Variants in TCHP observed in about 807,000 individuals in gnomAD.
The protein encoded by TCHP is trichoplein keratin filament binding.
In TCHP, 81 loss-of-function variants were observed where a neutral mutation model predicts 88.7. That is an observed-to-expected ratio of 0.91 (90% CI 0.76 to 1.10). The LOEUF (loss-of-function observed/expected upper bound fraction) is 1.10, where lower values mean the gene tolerates loss of function less well. TCHP is among the 50% of genes least tolerant of loss of function. The pLI, the probability that TCHP is intolerant of heterozygous loss-of-function variation, is 0.00. For synonymous variants in TCHP, 232 were observed against 232.5 expected (o/e 1.00, Z 0.02); for missense variants, 641 against 632.1 (o/e 1.01, Z -0.15).
At chr12:109,887,422 A>C in the TCHP span, among the ~76,000 whole-genome samples, 822 of 151,222 alleles carry the variant, frequency 5.4e-3, 4 homozygotes, top group Non-Finnish European at 8.8e-3. Flanking sequence ...AAAAAAAAAA[A>C]CAAAAAAAAA....
chr12:109,915,606 C>T, intron 12 of TCHP, 60 bp downstream of exon 12: 1 of 1,532,692 alleles, frequency 6.5e-7, no homozygotes, highest in South Asian at 1.3e-5. Context: ...CCGGCCCCTG[C>T]TCCCCTGGGC....
the TCHP span, among the ~76,000 whole-genome samples, chr12:109,883,063 G>T: frequency 6.8e-6 from 1 of 148,038 alleles, no homozygotes; most frequent in African/African-American, 2.5e-5. Flanking sequence ...TTGAGAGACA[G>T]GATCTCACTC....
chr12:109,891,805 G>T, the TCHP span, among the ~76,000 whole-genome samples: 1 of 151,754 alleles, frequency 6.6e-6, no homozygotes, highest in East Asian at 1.9e-4. Context: ...TGCCTCTCAG[G>T]TTCAAATGAT....
chr12:109,904,161 G>A lies in TCHP; in HGVS notation c.399+14G>A. 1 of 1,557,070 alleles carries A rather than the reference G, an allele frequency of 6.4e-7. No homozygotes were observed. The highest frequency in any genetic ancestry group is 2.4e-5 in the East Asian group (1 of 41,320). On this transcript the variant is annotated intron_variant, in intron 3 of 12. Coordinates refer to ENST00000405876, the MANE Select transcript of TCHP (RefSeq NM_001143852.2). ...CAGAGGAAACTGGTAACTCCCCAGA[G>A]GGCTTCAGGAGGCTGTGGAGCAGGA...
Position 109,907,525 on chromosome 12 carries a change from G to C in TCHP, c.526-1G>C, listed in dbSNP as rs1221322517. ...ACCTGTGTTCATTTGGTCCCTTGTA[G>C]CAAGAAGCCACCGCAGAGCAAGAGA... On this transcript the variant is annotated splice_acceptor_variant, in intron 5 of 12. Transcript: ENST00000405876. LOFTEE classifies it high-confidence loss of function. 6.2e-7 allele frequency: 1 copy of C among 1,613,942 alleles called. No individual in the cohort carries two copies. The highest frequency in any genetic ancestry group is 1.3e-5 in the African/African-American group (1 of 74,900).
At chr12:109,889,974 A>C in the TCHP span, among the ~76,000 whole-genome samples, 1 of 152,236 alleles carries the variant, frequency 6.6e-6, no homozygotes, top group African/African-American at 2.4e-5. Context: ...GCACCCGCCA[A>C]CAGGCCCACT....
At chr12:109,890,385 T>A in the TCHP span, among the ~76,000 whole-genome samples, 1 of 151,876 alleles carries the variant, frequency 6.6e-6, no homozygotes, top group Non-Finnish European at 1.5e-5. Flanking sequence ...GCTGGAGGAT[T>A]GCTTAAGCCC....
chr12:109,906,253 G>A (rs1870117177), intron 4 of TCHP, among the ~76,000 whole-genome samples: 1 of 152,198 alleles, frequency 6.6e-6, no homozygotes, highest in East Asian at 1.9e-4. Context: ...TCAACCCAAG[G>A]TGGCCTTTGA....
intron 8 of TCHP, among the ~76,000 whole-genome samples, chr12:109,910,654 C>T (rs1870431579): frequency 6.6e-6 from 1 of 152,184 alleles, no homozygotes; most frequent in Non-Finnish European, 1.5e-5. Flanking sequence ...TAATTCCCCA[C>T]CAAGGAGCAT....
the TCHP span, among the ~76,000 whole-genome samples, chr12:109,882,364 G>A: frequency 6.6e-6 from 1 of 151,402 alleles, no homozygotes; most frequent in Admixed American, 6.6e-5. Flanking sequence ...AACCAGGGAG[G>A]TGGAGGTTGC....
chr12:109,914,294 T>C (rs939865573), intron 10 of TCHP, 148 bp from the exon 11 acceptor site: 4 of 650,058 alleles, frequency 6.2e-6, no homozygotes, highest in South Asian at 4.1e-5. Context: ...GAGCAAATCC[T>C]GTCATCTGGC....
the TCHP span, among the ~76,000 whole-genome samples, chr12:109,883,073 C>T: frequency 6.8e-6 from 1 of 146,900 alleles, no homozygotes; most frequent in African/African-American, 2.5e-5. Context: ...GGATCTCACT[C>T]TGTAGCCAAG....
At chr12:109,887,313 T>C in the TCHP span, among the ~76,000 whole-genome samples, 1 of 150,068 alleles carries the variant, frequency 6.7e-6, no homozygotes, top group South Asian at 2.1e-4. Flanking sequence ...TCCCAGCTAC[T>C]CGGGAGGCTG....
chr12:109,885,696 T>C, the TCHP span, among the ~76,000 whole-genome samples: 1 of 152,010 alleles, frequency 6.6e-6, no homozygotes, highest in African/African-American at 2.4e-5. Flanking sequence ...TTAGCCAGGA[T>C]GGTCTTGATC....
chr12:109,917,946 G>C lies in TCHP; in HGVS notation c.*1323G>C, dbSNP rs1408717878. The C allele has an allele frequency of 6.6e-6, 1 of 152,176 alleles. No individual in the cohort carries two copies. The highest frequency in any genetic ancestry group is 1.5e-5 in the Non-Finnish European group (1 of 68,030). 9.4% of individuals were successfully genotyped at this position (152,176 alleles called of 1,614,324 possible). A position where few individuals can be genotyped will look rare whatever the true frequency, so the allele number is the denominator to read the frequency against. On this transcript the variant is annotated 3_prime_UTR_variant, in exon 13 of 13. Transcript: ENST00000405876. ...CTGCAAACCACGTCCTTCATCTGTTGTTCATTTTCTTGCAACTCTTTGACT... is the reference window on the plus strand; with the variant it reads ...CTGCAAACCACGTCCTTCATCTGTTCTTCATTTTCTTGCAACTCTTTGACT...
At chr12:109,906,512 G>GTC (rs1232691689) in intron 4 of TCHP, 60 bp from the exon 5 acceptor site, 12 of 1,544,482 alleles carry the variant, frequency 7.8e-6, no homozygotes, top group Non-Finnish European at 1.1e-5. Flanking sequence ...GGAGCACACT[G>GTC]TCCCCACAGT....
In TCHP at chr12:109,909,544, G is replaced by A. The variant is rs866519254; in HGVS notation, c.879+607G>A. Reference sequence around the variant, plus strand: ...CTTAATTTTTAAAAAGATCGGCCAGGTGCGGTGGCTCCCGCCTATAATCCC... The same window carrying A: ...CTTAATTTTTAAAAAGATCGGCCAGATGCGGTGGCTCCCGCCTATAATCCC... On this transcript the variant is annotated intron_variant, in intron 8 of 12. Transcript: ENST00000405876. Among the ~76,000 whole-genome samples the A allele has an allele frequency of 2.9e-4, 44 of 152,352 alleles. 1 individual carries two copies. The highest frequency in any genetic ancestry group is 2.2e-3 in the Admixed American group (34 of 15,300).
In TCHP at chr12:109,907,538, G is replaced by A. The variant is rs373115835; in HGVS notation, c.538G>A (p.Ala180Thr). The A allele has an allele frequency of 5.0e-6, 8 of 1,614,002 alleles. No individual in the cohort carries two copies. Among genetic ancestry groups the A allele is most frequent in the East Asian group, 2.2e-5 (1 of 44,900 alleles). ...TGGTCCCTTGTAGCAAGAAGCCACC[G>A]CAGAGCAAGAGAACAAACGGTATGA... ...KEEKKQQEAT[A>T]EQENKRYENE... The change falls in exon 6 of 13, where the codon GCA becomes ACA. Residue 180 changes from alanine to threonine, a missense_variant. Ala to Thr is a moderately conservative substitution (Grantham distance 58). Transcript: ENST00000405876.
At chr12:109,906,697 T>G in intron 5 of TCHP, 57 bp downstream of exon 5, 1 of 1,448,392 alleles carries the variant, frequency 6.9e-7, no homozygotes, top group Non-Finnish European at 9.6e-7. Context: ...ACTGTTCACG[T>G]CTTTGCATTC....
Sources: gnomAD v4.1 joint callset for allele counts (sites outside exome capture counted in the v4.1 genomes callset) on GRCh38, gnomAD v4.1.1 for gene constraint, MANE v1.5 for transcripts, NCBI Gene and HGNC (gene_info 2026-07-23, HGNC 2026-07-21) for gene names.